PTPRG: variants seen among roughly 807,000 people sequenced by gnomAD.
The protein encoded by PTPRG is receptor-type tyrosine-protein phosphatase gamma.
A neutral mutation model predicts 165.3 loss-of-function variants in PTPRG; 102 were observed. That is an observed-to-expected ratio of 0.62 (90% CI 0.53 to 0.73). PTPRG has a LOEUF of 0.73. PTPRG is among the 30% of genes least tolerant of loss of function. The probability of loss-of-function intolerance (pLI) is 0.00; values close to 1 mark genes in which losing one functional copy is unlikely to be tolerated. For missense variants in PTPRG, 1,866 were observed against 1,861.4 expected (o/e 1.00, Z -0.05); for synonymous variants, 675 against 669.5 (o/e 1.01, Z -0.13).
chr3:61,670,258 G>A (rs898163357), intron 1 of PTPRG, among the ~76,000 whole-genome samples: 1 of 152,168 alleles, frequency 6.6e-6, no homozygotes, highest in Non-Finnish European at 1.5e-5. Context: ...CCCAGGAGGG[G>A]GTTGACTTAT....
intron 2 of PTPRG, among the ~76,000 whole-genome samples, chr3:61,852,803 T>C (rs1277124922): frequency 6.6e-6 from 1 of 152,236 alleles, no homozygotes; most frequent in Admixed American, 6.5e-5. Context: ...TTATGAAAAT[T>C]GCCTGATTTA....
intron 2 of PTPRG, among the ~76,000 whole-genome samples, chr3:61,870,065 C>T (rs958789832): frequency 1.3e-5 from 2 of 152,102 alleles, no homozygotes; most frequent in African/African-American, 2.4e-5. Context: ...TCTTCACCTC[C>T]CAGTACCATC....
At chr3:62,232,804 T>C (rs1347910400) in intron 14 of PTPRG, among the ~76,000 whole-genome samples, 2 of 152,234 alleles carry the variant, frequency 1.3e-5, no homozygotes, top group South Asian at 2.1e-4. Flanking sequence ...GGGAACCATC[T>C]TGTGAAACTA....
At chr3:61,764,210 G>A (rs1479260791) in intron 2 of PTPRG, among the ~76,000 whole-genome samples, 2 of 152,178 alleles carry the variant, frequency 1.3e-5, no homozygotes, top group African/African-American at 2.4e-5. Context: ...GTCTTGAGAA[G>A]TTGACCTAGG....
chr3:61,972,601 C>G (rs2040408932), intron 2 of PTPRG, among the ~76,000 whole-genome samples: 1 of 151,508 alleles, frequency 6.6e-6, no homozygotes, highest in Admixed American at 6.6e-5. Context: ...GGAGTAGTTT[C>G]TGGATCTCTT....
intron 4 of PTPRG, among the ~76,000 whole-genome samples, chr3:62,031,762 T>G (rs572112050): frequency 1.3e-4 from 20 of 152,190 alleles, no homozygotes; most frequent in African/African-American, 4.8e-4. Flanking sequence ...GCAAATGAGG[T>G]TGACAATTCT....
At position 61,748,942 on chromosome 3, in the gene PTPRG, C is replaced by T. The variant is rs898187112; in HGVS notation, c.150C>T (p.Arg50=). 1.2e-6 allele frequency: 2 copies of T among 1,612,070 alleles called. No individual in the cohort carries two copies. Among genetic ancestry groups the T allele is most frequent in the Non-Finnish European group, 1.7e-6 (2 of 1,179,176 alleles). ...GACACGGCAGCGCAGTGCAGATCCG[C>T]AGGCGCAAGGCTTCAGGCGACCCGT... The part of the protein sequence containing the change: ...ENRHGSAVQI[R]RRKASGDPYW... Residue 50 remains arginine (R), a synonymous_variant, in exon 2 of 30, where the codon CGC becomes CGT. Coordinates refer to ENST00000474889, the MANE Select transcript of PTPRG (RefSeq NM_002841.4).
chr3:61,893,720 T>A (rs1044902872), intron 2 of PTPRG, among the ~76,000 whole-genome samples: 1 of 152,242 alleles, frequency 6.6e-6, no homozygotes, highest in East Asian at 1.9e-4. Flanking sequence ...CATTTTATCA[T>A]CAGGCTTTCA....
At chr3:61,940,866 G>A (rs544749636) in intron 2 of PTPRG, among the ~76,000 whole-genome samples, 25 of 152,002 alleles carry the variant, frequency 1.6e-4, no homozygotes, top group Admixed American at 1.5e-3. Context: ...GGGTTTCACC[G>A]TGTTAGCCAG....
Position 62,271,490 on chromosome 3 carries a change from G to C in PTPRG, c.3117G>C (p.Leu1039=), listed in dbSNP as rs968046324. Residue 1039 remains leucine, a synonymous_variant, in exon 21 of 30, where the codon CTG becomes CTC. Transcript: ENST00000474889. The surrounding 1 kb of genome is among the most constrained non-coding windows in gnomAD (Gnocchi z 4.1). ...TTCCCGAGTATGCCCTTCCAGTACT[G>C]ACTTTCGTGAGGAGATCCTCAGCAG... The part of the protein sequence containing the change: ...MGVPEYALPV[L]TFVRRSSAAR... The C allele has an allele frequency of 6.2e-7, 1 of 1,614,024 alleles. No individual in the cohort carries two copies. Among genetic ancestry groups the C allele is most frequent in the Non-Finnish European group, 8.5e-7 (1 of 1,179,888 alleles).
At chr3:62,227,978 G>A (rs1038697291) in intron 13 of PTPRG, among the ~76,000 whole-genome samples, 2 of 152,170 alleles carry the variant, frequency 1.3e-5, no homozygotes, top group African/African-American at 4.8e-5. Context: ...GTGGCTGGAT[G>A]GTGCTATGGT....
intron 1 of PTPRG, among the ~76,000 whole-genome samples, chr3:61,612,874 TGTG>T (rs1701210475): frequency 6.6e-6 from 1 of 152,004 alleles, no homozygotes; most frequent in South Asian, 2.1e-4. Flanking sequence ...TGTGTGTGTG[TGTG>T]TGTGTGTGTG....
chr3:61,600,173 A>AAT (rs1218233993), intron 1 of PTPRG, among the ~76,000 whole-genome samples: 6 of 123,482 alleles, frequency 4.9e-5, no homozygotes, highest in African/African-American at 1.5e-4. Context: ...AAAAAAAAAA[A>AAT]ATATATATAT....
intron 1 of PTPRG, among the ~76,000 whole-genome samples, chr3:61,649,441 C>T (rs917112394): frequency 1.3e-5 from 2 of 152,158 alleles, no homozygotes; most frequent in African/African-American, 2.4e-5. Context: ...CAAGGTGGCA[C>T]CTTATTGATG....
intron 5 of PTPRG, among the ~76,000 whole-genome samples, chr3:62,085,197 T>G (rs1378031586): frequency 6.6e-6 from 1 of 152,210 alleles, no homozygotes; most frequent in Non-Finnish European, 1.5e-5. Flanking sequence ...ACCTCTGTGT[T>G]TTATCACATT....
intron 4 of PTPRG, among the ~76,000 whole-genome samples, chr3:62,050,969 A>G (rs1313351520): frequency 6.6e-6 from 1 of 152,186 alleles, no homozygotes; most frequent in Non-Finnish European, 1.5e-5. Context: ...CCTGTACTCC[A>G]AGGTTCTATA....
intron 2 of PTPRG, among the ~76,000 whole-genome samples, chr3:61,916,069 C>T (rs1481468316): frequency 6.6e-6 from 1 of 152,198 alleles, no homozygotes; most frequent in Non-Finnish European, 1.5e-5. Context: ...AGATATGAAT[C>T]TTACAGCACT....
intron 8 of PTPRG, among the ~76,000 whole-genome samples, chr3:62,186,219 G>T (rs966105375): frequency 6.6e-6 from 1 of 152,186 alleles, no homozygotes; most frequent in African/African-American, 2.4e-5. Context: ...CCAGAGACAA[G>T]ATCCTCAACA....
chr3:61,908,678 A>G (rs921906920), intron 2 of PTPRG, among the ~76,000 whole-genome samples: 4 of 152,212 alleles, frequency 2.6e-5, no homozygotes, highest in African/African-American at 9.7e-5. Flanking sequence ...ACATGAATTA[A>G]TTTGATTTTA....
Sources: allele counts gnomAD v4.1 joint callset (sites outside exome capture counted in the v4.1 genomes callset), GRCh38; gene constraint gnomAD v4.1.1; non-coding constraint Gnocchi (gnomAD v3.1); transcripts MANE v1.5; gene names NCBI Gene and HGNC (gene_info 2026-07-23, HGNC 2026-07-21).